DBN1: variants seen among roughly 807,000 people sequenced by gnomAD.
The protein encoded by DBN1 is drebrin.
In DBN1, 21 loss-of-function variants were observed where a neutral mutation model predicts 83.5. The observed-to-expected ratio is 0.25, with a 90% CI of 0.18 to 0.36. The LOEUF (loss-of-function observed/expected upper bound fraction) is 0.36. DBN1 is among the 10% of genes least tolerant of loss of function. The pLI is 1.00. For missense variants in DBN1, 874 were observed against 935.7 expected, an observed-to-expected ratio of 0.93 and a Z score of 0.86; for synonymous variants, 381 against 384.9, an observed-to-expected ratio of 0.99 and a Z score of 0.12.
chr5:177,471,076 G>A (rs1317962145), intron 1 of DBN1, among the ~76,000 whole-genome samples: 1 of 152,166 alleles, frequency 6.6e-6, no homozygotes, highest in Non-Finnish European at 1.5e-5. Flanking sequence ...AAGCCATCTA[G>A]CCAGATAAAC....
rs140640004 is a variant in DBN1, at chr5:177,460,452, G to A, written c.935C>T (p.Ser312Leu). The A allele has an allele frequency of 9.3e-6, 15 of 1,613,894 alleles. 1 individual carries two copies. Among genetic ancestry groups the A allele is most frequent in the South Asian group, 3.3e-5 (3 of 91,082 alleles). ...SASAGSCDVP[S>L]PFNHRPGRPY... ...ACTACCTGGTCGATGGTTGAAGGGC[G>A]AGGGTACATCACAGCTGCCCGCAGA... is the stretch of plus-strand genomic sequence containing the variant. Residue 312 changes from serine to leucine, a missense_variant, in exon 10 of 15, where the codon TCG becomes TTG. Around this residue, in one of 4 missense-constraint regions of DBN1, gnomAD observed 725 missense variants for 719.7 expected, o/e 1.01. Transcript: ENST00000393565.
In DBN1 at chr5:177,467,599, C is replaced by T. The variant is rs1321932847; in HGVS notation, c.359G>A (p.Ser120Asn). Residue 120 changes from serine (S) to asparagine (N), a missense_variant, in exon 5 of 15, where the codon AGC becomes AAC. By Grantham distance (46) the Ser-to-Asn change is conservative (BLOSUM62 1). Around this residue, in one of 4 missense-constraint regions of DBN1, gnomAD observed 65 missense variants for 97.3 expected, o/e 0.67. Coordinates refer to ENST00000393565, the MANE Select transcript of DBN1 (RefSeq NM_001363541.2). The surrounding 1 kb of genome is among the most constrained non-coding windows in gnomAD (Gnocchi z 9.1). The stretch of plus-strand genomic sequence containing the variant: ...GGCACCCGCGTCTATGTCTTCCACG[C>T]TGCTGGCGTTCACGATCACGTCGAC... ...QGVDVIVNAS[S>N]VEDIDAGAIG... 3 of 1,571,204 alleles carry T rather than the reference C, an allele frequency of 1.9e-6. No individual in the cohort carries two copies. In the African/African-American group the frequency reaches 4.1e-5, roughly 21 times the overall value.
intron 2 of DBN1, 49 bp downstream of exon 2, chr5:177,468,795 C>T (rs754970099): frequency 1.6e-6 from 2 of 1,269,248 alleles, no homozygotes; most frequent in South Asian, 3.1e-5. Flanking sequence ...AGAAAACAAC[C>T]AGGAGGAGGG....
In DBN1 at chr5:177,466,908, C is replaced by T; in HGVS notation, c.707+3G>A. ...CTGGAGCGCTCCGGGCGGGCAGGCT[C>T]ACCTGTGCTCCTCGATCTGCTGCTC... On this transcript the variant is annotated splice_donor_region_variant and intron_variant, in intron 7 of 14. Coordinates refer to ENST00000393565, the MANE Select transcript of DBN1 (RefSeq NM_001363541.2). The surrounding 1 kb of genome is among the most constrained non-coding windows in gnomAD (Gnocchi z 4.8). 1.2e-6 allele frequency: 2 copies of T among 1,613,110 alleles called. No individual in the cohort carries two copies. The highest frequency in any genetic ancestry group is 1.7e-6 in the Non-Finnish European group (2 of 1,179,760).
intron 1 of DBN1, chr5:177,472,475 C>A: frequency 5.0e-6 from 6 of 1,198,342 alleles, no homozygotes; most frequent in Non-Finnish European, 6.4e-6. Context: ...CCTTTTTCCA[C>A]CACCCTGGGC....
In DBN1 at chr5:177,467,985, CG is replaced by C; in HGVS notation, c.255+122del. On this transcript the variant is annotated intron_variant, in intron 3 of 14. Coordinates refer to ENST00000393565, the MANE Select transcript of DBN1 (RefSeq NM_001363541.2). This position sits in a 1 kb window ranked among gnomAD's most constrained non-coding sequence, Gnocchi z 9.1. The stretch of plus-strand genomic sequence containing the variant: ...GGCCTTCAGTTCCCTTCCCCAGCCC[CG>C]GCCGCATACCCAGTTGATGAGCAGC... The C allele has an allele frequency of 9.1e-7, 1 of 1,093,968 alleles. No homozygotes were observed. 67.8% of individuals were successfully genotyped at this position (1,093,968 alleles called of 1,614,324 possible). A position where few individuals can be genotyped will look rare whatever the true frequency, so the allele number is the denominator to read the frequency against.
chr5:177,459,542 G>C, intron 11 of DBN1, 61 bp downstream of exon 11: 2 of 1,442,928 alleles, frequency 1.4e-6, no homozygotes, highest in Non-Finnish European at 9.2e-7. Context: ...TGAGGGCGGG[G>C]GGCTGCTGGG....
rs148141626 is a variant in DBN1 at position 177,467,574 on chromosome 5, G to A, written c.384C>T (p.Ala128=). ...ASSVEDIDAG[A]IGQRLSNGLA... ...GCCCGTTAGAGAGCCGCTGCCCGAT[G>A]GCACCCGCGTCTATGTCTTCCACGC... is the stretch of plus-strand genomic sequence containing the variant. Residue 128 remains alanine (A), a synonymous_variant, in exon 5 of 15, where the codon GCC becomes GCT. Transcript: ENST00000393565. The surrounding 1 kb of genome is among the most constrained non-coding windows in gnomAD (Gnocchi z 9.1). The A allele has an allele frequency of 2.6e-5, 41 of 1,566,596 alleles. 1 individual carries two copies. The African/African-American group carries it at 5.6e-4, about 21-fold the overall frequency.
intron 8 of DBN1, among the ~76,000 whole-genome samples, chr5:177,464,970 T>C (rs55653163): frequency 0.033 from 5,046 of 151,908 alleles, 105 homozygotes; most frequent in Non-Finnish European, 0.051. Flanking sequence ...CTGGCTAACA[T>C]GGTGAAACCC....
chr5:177,472,563 G>A (rs1297331957), intron 1 of DBN1, among the ~76,000 whole-genome samples: 3 of 152,118 alleles, frequency 2.0e-5, no homozygotes, highest in African/African-American at 7.2e-5. Flanking sequence ...GGTGAGGGGC[G>A]GCCCAGCTCC....
In DBN1 at chr5:177,467,475, A is replaced by G; in HGVS notation, c.477+6T>C. ...CAGAGCCCACGGGTGCCAAACACACACTAACCACGGGCTCTGCGTTCTCAT... is the reference window on the plus strand; with the variant it reads ...CAGAGCCCACGGGTGCCAAACACACGCTAACCACGGGCTCTGCGTTCTCAT... On this transcript the variant is annotated splice_donor_region_variant and intron_variant, in intron 5 of 14. Coordinates refer to ENST00000393565, the MANE Select transcript of DBN1 (RefSeq NM_001363541.2). This position sits in a 1 kb window ranked among gnomAD's most constrained non-coding sequence, Gnocchi z 9.1. 1.2e-6 allele frequency: 2 copies of G among 1,601,312 alleles called. No homozygotes were observed. Among genetic ancestry groups the G allele is most frequent in the Non-Finnish European group, 1.7e-6 (2 of 1,172,932 alleles).
chr5:177,457,230 C>G lies in DBN1; in HGVS notation c.*203G>C. 1.7e-6 allele frequency: 1 copy of G among 593,928 alleles called. No individual in the cohort carries two copies. Among genetic ancestry groups the G allele is most frequent in the South Asian group, 2.0e-5 (1 of 50,040 alleles). 36.8% of individuals were successfully genotyped at this position (593,928 alleles called of 1,614,324 possible). ...AGGAAAGCCAGTCAACTGTACAAGTCTCCTATCAACTTTTTAAAAAAAGAG... is the reference window on the plus strand; with the variant it reads ...AGGAAAGCCAGTCAACTGTACAAGTGTCCTATCAACTTTTTAAAAAAAGAG... On this transcript the variant is annotated 3_prime_UTR_variant, in exon 15 of 15. Transcript: ENST00000393565.
At chr5:177,472,774 A>C (rs1388154435) in intron 1 of DBN1, 1 of 985,702 alleles carries the variant, frequency 1.0e-6, no homozygotes, top group East Asian at 1.1e-4. Flanking sequence ...AGGAGAGCTC[A>C]CCCCTGCCTC....
At position 177,460,304 on chromosome 5, in the gene DBN1, G is replaced by A. The variant is rs1162651912; in HGVS notation, c.955+128C>T. 25 of 1,388,106 alleles carry A rather than the reference G, an allele frequency of 1.8e-5. 1 individual carries two copies. The South Asian group carries it at 2.5e-4, about 14-fold the overall frequency. 86.0% of individuals were successfully genotyped at this position (1,388,106 alleles called of 1,614,324 possible). ...CCTGGGAAGTGGTGGGCGGATGCAC[G>A]CTGGATGAAGGGTCTCGCCTTCTCC... is the stretch of plus-strand genomic sequence containing the variant. On this transcript the variant is annotated intron_variant, in intron 10 of 14. Transcript: ENST00000393565.
intron 1 of DBN1, chr5:177,472,190 A>G (rs375418281): frequency 6.2e-7 from 1 of 1,613,656 alleles, no homozygotes; most frequent in Middle Eastern, 1.7e-4. Flanking sequence ...CTGCAGTACC[A>G]TGCCATGGAT....
At chr5:177,462,290 C>G (rs1278820983) in intron 8 of DBN1, 26 of 985,398 alleles carry the variant, frequency 2.6e-5, no homozygotes, top group Non-Finnish European at 3.0e-5. Flanking sequence ...AACAGGCACA[C>G]CCGTTCCCAC....
At position 177,473,478 on chromosome 5, in the gene DBN1, G is replaced by A. The variant is rs1252560914; in HGVS notation, c.44C>T (p.Ala15Val). Reference protein sequence around the residue: ...SFSGHRLELLAAYEEVIREES... With the variant: ...SFSGHRLELLVAYEEVIREES... ...CTCTCGGATCACCTCCTCGTAAGCC[G>A]CCAGCAGCTCCAGGCGGTGGCCGCT... The change falls in exon 1 of 15, where the codon GCG (alanine) becomes GTG (valine). Residue 15 changes from alanine to valine, a missense_variant. By Grantham distance (64) the Ala-to-Val change is moderately conservative (BLOSUM62 0). Around this residue, in one of 4 missense-constraint regions of DBN1, gnomAD observed 82 missense variants for 101.7 expected, o/e 0.81. Coordinates refer to ENST00000393565, the MANE Select transcript of DBN1 (RefSeq NM_001363541.2). 1.4e-6 allele frequency: 2 copies of A among 1,433,808 alleles called. No homozygotes were observed. Among genetic ancestry groups the A allele is most frequent in the Non-Finnish European group, 1.8e-6 (2 of 1,086,708 alleles). The allele number at this position is 1,433,808 out of a possible 1,614,324, so 88.8% of individuals were successfully genotyped here. A position where few individuals can be genotyped will look rare whatever the true frequency, so the allele number is the denominator to read the frequency against.
At position 177,458,286 on chromosome 5, in the gene DBN1, A is replaced by C. The variant is rs150729934; in HGVS notation, c.1686T>G (p.Ala562=). The C allele has an allele frequency of 1.5e-5, 24 of 1,613,020 alleles. No individual in the cohort carries two copies. The African/African-American group carries it at 3.1e-4, about 21-fold the overall frequency. The change falls in exon 13 of 15, where the codon GCT becomes GCG. Residue 562 remains alanine, a synonymous_variant. Coordinates refer to ENST00000393565, the MANE Select transcript of DBN1 (RefSeq NM_001363541.2). ...CGCCTGCTGGCAGCAGTGGCTCCGG[A>C]GCCACCTCATCCAGCAGGGGCACCT... ...LAEVPLLDEV[A]PEPLLPAGEG... is the part of the protein sequence containing the mutation.
In DBN1 at chr5:177,467,021, G is replaced by A. The variant is rs753245887; in HGVS notation, c.597C>T (p.Ala199=). 18 of 1,613,740 alleles carry A rather than the reference G, an allele frequency of 1.1e-5. No homozygotes were observed. In the Admixed American group the frequency reaches 2.8e-4, roughly 25 times the overall value. Residue 199 remains alanine (A), a synonymous_variant, in exon 7 of 15, where the codon GCC becomes GCT. Transcript: ENST00000393565. This position sits in a 1 kb window ranked among gnomAD's most constrained non-coding sequence, Gnocchi z 9.1. ...GCTCGAACCTGAGCCTCTCATCCAGGGCCTTCTTCCGCTCCTCCTCCTTCC... is the reference window on the plus strand; with the variant it reads ...GCTCGAACCTGAGCCTCTCATCCAGAGCCTTCTTCCGCTCCTCCTCCTTCC... ...ELRKEEERKK[A]LDERLRFEQE...
Sources: gnomAD v4.1 joint callset for allele counts (sites outside exome capture counted in the v4.1 genomes callset) on GRCh38, gnomAD v4.1.1 for gene constraint, gnomAD v4.1.1 regional missense constraint, Gnocchi (gnomAD v3.1) non-coding constraint, MANE v1.5 for transcripts, NCBI Gene and HGNC (gene_info 2026-07-23, HGNC 2026-07-21) for gene names.